Variants in BIN1 observed in about 807,000 individuals in gnomAD.
BIN1 encodes the protein bridging integrator 1.
Under a neutral mutation model 82.0 loss-of-function variants are expected in BIN1, and 53 were observed. The ratio of observed to expected loss-of-function variants is 0.65; its 90% confidence interval spans 0.52 to 0.81. BIN1 has a LOEUF of 0.81. Ranked by LOEUF, BIN1 falls within the 40% of genes least tolerant of loss-of-function variation. BIN1 has a pLI of 0.00. For missense variants in BIN1, 642 were observed against 784.4 expected, an observed-to-expected ratio of 0.82 and a Z score of 2.17; for synonymous variants, 302 against 328.0, an observed-to-expected ratio of 0.92 and a Z score of 0.86.
rs577921006 is a variant in BIN1, at chr2:127,082,611, C to A, written c.85-5905G>T. Among the ~76,000 whole-genome samples, 15 of 152,300 alleles carry A rather than the reference C, an allele frequency of 9.8e-5. 1 individual carries two copies. Among genetic ancestry groups the A allele is most frequent in the African/African-American group, 3.4e-4 (14 of 41,546 alleles). On this transcript the variant is annotated intron_variant, in intron 1 of 18. Transcript: ENST00000316724. This position sits in a 1 kb window ranked among gnomAD's most constrained non-coding sequence, Gnocchi z 6.1. ...AAAGGGGTACAATGGGAGTCTTAAA[C>A]CCCCAGGGGCAGAGGGAGCCAGTCT...
chr2:127,051,218 C>T lies in BIN1; in HGVS notation c.1397G>A (p.Gly466Asp), dbSNP rs762512900. ...AQPAEASEVAGGTQPAAGAQE... is the reference protein window; with the variant it reads ...AQPAEASEVADGTQPAAGAQE... ...GGCTCCAGCCGCAGGTTGGGTCCCA[C>T]CCGCCACCTCCGAGGCCTCTGCTGG... is the stretch of plus-strand genomic sequence containing the variant. The change falls in exon 16 of 19, where the codon GGT becomes GAT. Residue 466 changes from glycine to aspartate, a missense_variant. Gly to Asp is a moderately conservative substitution (Grantham distance 94). Coordinates refer to ENST00000316724, the MANE Select transcript of BIN1 (RefSeq NM_139343.3). The T allele has an allele frequency of 6.2e-7, 1 of 1,613,774 alleles. No homozygotes were observed. The highest frequency in any genetic ancestry group is 1.1e-5 in the South Asian group (1 of 91,090).
At chr2:127,079,589 C>G (rs1687041201) in intron 1 of BIN1, among the ~76,000 whole-genome samples, 1 of 152,208 alleles carries the variant, frequency 6.6e-6, no homozygotes, top group Non-Finnish European at 1.5e-5. Flanking sequence ...GTGAACTGTC[C>G]CTGATCTCTC....
intron 7 of BIN1, among the ~76,000 whole-genome samples, chr2:127,065,669 C>T (rs1337129864): frequency 6.6e-6 from 1 of 152,198 alleles, no homozygotes; most frequent in Non-Finnish European, 1.5e-5. Context: ...CAGCCACCAC[C>T]CCCACAACTC....
At chr2:127,083,730 A>T (rs1316617068) in intron 1 of BIN1, among the ~76,000 whole-genome samples, 1 of 152,168 alleles carries the variant, frequency 6.6e-6, no homozygotes, top group Non-Finnish European at 1.5e-5. Context: ...TATTCCCCGT[A>T]TGCCTATTTA....
At position 127,063,561 on chromosome 2, in the gene BIN1, C is replaced by T. The variant is rs1684774289; in HGVS notation, c.774+10G>A. 1.9e-6 allele frequency: 3 copies of T among 1,613,478 alleles called. No homozygotes were observed. Among genetic ancestry groups the T allele is most frequent in the African/African-American group, 2.7e-5 (2 of 75,040 alleles). ...GGGTGTGGCCCCTCAGAGGGGTCCC[C>T]ATGGCCTACCTTGCTCATCTCCTTG... On this transcript the variant is annotated intron_variant, in intron 9 of 18. Transcript: ENST00000316724.
intron 1 of BIN1, among the ~76,000 whole-genome samples, chr2:127,089,770 C>T (rs995012036): frequency 6.6e-6 from 1 of 152,098 alleles, no homozygotes; most frequent in Admixed American, 6.5e-5. Context: ...GGAGCAGGCC[C>T]AGGCTGTGCA....
At chr2:127,075,574 C>T (rs1686472114) in intron 2 of BIN1, among the ~76,000 whole-genome samples, 1 of 152,194 alleles carries the variant, frequency 6.6e-6, no homozygotes, top group African/African-American at 2.4e-5. Context: ...CTCCCCAATC[C>T]CTGTCCAGGG....
At chr2:127,060,539 A>C in intron 10 of BIN1, 1 of 1,611,542 alleles carries the variant, frequency 6.2e-7, no homozygotes, top group Non-Finnish European at 8.5e-7. Context: ...AGGCGCATGC[A>C]CAGGGCCAGC....
In BIN1 at chr2:127,057,048, C is replaced by T. The variant is rs866224504; in HGVS notation, c.1131+425G>A. Among the ~76,000 whole-genome samples, 8 of 152,220 alleles carry T rather than the reference C, an allele frequency of 5.3e-5. No individual in the cohort carries two copies. The highest frequency in any genetic ancestry group is 2.1e-4 in the South Asian group (1 of 4,834). On this transcript the variant is annotated intron_variant, in intron 12 of 18. Coordinates refer to ENST00000316724, the MANE Select transcript of BIN1 (RefSeq NM_139343.3). The surrounding 1 kb of genome is among the most constrained non-coding windows in gnomAD (Gnocchi z 5.0). Reference sequence around the variant, plus strand: ...TGCCCTGCAGCCTGGCCGCTGCCCCCGCCCTCGAGGGGCTGACAGCAGCTG... The same window carrying T: ...TGCCCTGCAGCCTGGCCGCTGCCCCTGCCCTCGAGGGGCTGACAGCAGCTG...
Position 127,072,501 on chromosome 2 carries a change from C to T in BIN1, c.166-1685G>A, listed in dbSNP as rs186926610. Reference sequence around the variant, plus strand: ...GTTTTGTGGGTAATGGGTAGTGATGCGGCCCTGAGAACCCACAGATCTGCC... The same window carrying T: ...GTTTTGTGGGTAATGGGTAGTGATGTGGCCCTGAGAACCCACAGATCTGCC... On this transcript the variant is annotated intron_variant, in intron 2 of 18. Coordinates refer to ENST00000316724, the MANE Select transcript of BIN1 (RefSeq NM_139343.3). Among the ~76,000 whole-genome samples the T allele has an allele frequency of 3.2e-3, 487 of 152,250 alleles. 1 individual carries two copies. Among genetic ancestry groups the T allele is most frequent in the Non-Finnish European group, 3.6e-3 (244 of 68,008 alleles).
At position 127,082,795 on chromosome 2, in the gene BIN1, C is replaced by G. The variant is rs981864828; in HGVS notation, c.85-6089G>C. Among the ~76,000 whole-genome samples, 1 of 151,996 alleles carries G rather than the reference C, an allele frequency of 6.6e-6. No homozygotes were observed. The highest frequency in any genetic ancestry group is 1.5e-5 in the Non-Finnish European group (1 of 67,994). ...CCCCATCCCCACTCCGACAGTGGAG[C>G]CACCTAAGCCTGCTCCCCACCTCTG... On this transcript the variant is annotated intron_variant, in intron 1 of 18. Transcript: ENST00000316724. The surrounding 1 kb of genome is among the most constrained non-coding windows in gnomAD (Gnocchi z 6.1).
intron 1 of BIN1, among the ~76,000 whole-genome samples, chr2:127,089,749 A>AG (rs1678672096): frequency 6.6e-6 from 1 of 152,120 alleles, no homozygotes; most frequent in African/African-American, 2.4e-5. Context: ...CTGCTGGGGC[A>AG]GAAGGTGCTG....
chr2:127,080,116 G>A (rs940806393), intron 1 of BIN1, among the ~76,000 whole-genome samples: 1 of 152,258 alleles, frequency 6.6e-6, no homozygotes, highest in African/African-American at 2.4e-5. Flanking sequence ...TTTCATCCAT[G>A]AGGGAACGCA....
chr2:127,068,040 G>T lies in BIN1; in HGVS notation c.612+123C>A. ...TCTGAAGCAGAGCTCTCCCAGCAGA[G>T]GCCTTTGAAAAACCCTGCCCCAGCT... On this transcript the variant is annotated intron_variant, in intron 7 of 18. Transcript: ENST00000316724. The surrounding 1 kb of genome is among the most constrained non-coding windows in gnomAD (Gnocchi z 4.9). 2.1e-6 allele frequency: 2 copies of T among 961,660 alleles called. No individual in the cohort carries two copies. The highest frequency in any genetic ancestry group is 3.2e-6 in the Non-Finnish European group (2 of 617,964). The allele number at this position is 961,660 out of a possible 1,614,324, so 59.6% of individuals were successfully genotyped here.
At chr2:127,075,719 C>T (rs1450200111) in intron 2 of BIN1, among the ~76,000 whole-genome samples, 5 of 145,584 alleles carry the variant, frequency 3.4e-5, no homozygotes, top group African/African-American at 7.6e-5. Context: ...GAATGCTCCC[C>T]GGCCCTCTCC....
chr2:127,106,879 A>C lies in BIN1; in HGVS notation c.65T>G (p.Leu22Arg), dbSNP rs1383113147. 1 of 1,611,228 alleles carries C rather than the reference A, an allele frequency of 6.2e-7. No homozygotes were observed. The highest frequency in any genetic ancestry group is 8.5e-7 in the Non-Finnish European group (1 of 1,179,390). The change falls in exon 1 of 19, where the codon CTC becomes CGC. Residue 22 changes from leucine to arginine, a missense_variant. Physicochemically the swap from Leu to Arg is moderately radical, Grantham distance 102. Transcript: ENST00000316724. Reference protein sequence around the residue: ...GKIASNVQKKLTRAQEKVLQK... With the variant: ...GKIASNVQKKRTRAQEKVLQK... ...GCTCACCTTCTCCTGCGCGCGGGTG[A>C]GCTTCTTCTGCACGTTGCTGGCGAT...
rs1683085882 is a variant in BIN1 at position 127,052,445 on chromosome 2, A to C, written c.1264-83T>G. 2.3e-6 allele frequency: 3 copies of C among 1,331,916 alleles called. No homozygotes were observed. In the Admixed American group the frequency reaches 6.1e-5, roughly 27 times the overall value. 82.5% of individuals were successfully genotyped at this position (1,331,916 alleles called of 1,614,324 possible). A position where few individuals can be genotyped will look rare whatever the true frequency, so the allele number is the denominator to read the frequency against. On this transcript the variant is annotated intron_variant, in intron 14 of 18. Transcript: ENST00000316724. ...GCAATGGGCAGGATCACAAGACAAG[A>C]GAAAATGTCACCAGCGGCTGGGGTT...
At chr2:127,091,969 C>T (rs1026912010) in intron 1 of BIN1, among the ~76,000 whole-genome samples, 4 of 151,978 alleles carry the variant, frequency 2.6e-5, no homozygotes, top group East Asian at 1.9e-4. Flanking sequence ...CAAGAACATG[C>T]GGAGGGAGTC....
rs1013935534 is a variant in BIN1 at position 127,050,266 on chromosome 2, C to A, written c.1674+155G>T. ...GAGGAGAGGGAGAGAGGAAAAAGCC[C>A]GACGTGGAGGGCGGGGAGGAGCAGT... On this transcript the variant is annotated intron_variant, in intron 18 of 18. Transcript: ENST00000316724. The A allele has an allele frequency of 2.0e-5, 15 of 734,364 alleles. No homozygotes were observed. In the African/African-American group the frequency reaches 2.6e-4, roughly 13 times the overall value. The allele number at this position is 734,364 out of a possible 1,614,324, so 45.5% of individuals were successfully genotyped here.
Sources: allele counts gnomAD v4.1 joint callset (sites outside exome capture counted in the v4.1 genomes callset), GRCh38; gene constraint gnomAD v4.1.1; non-coding constraint Gnocchi (gnomAD v3.1); transcripts MANE v1.5; gene names NCBI Gene and HGNC (gene_info 2026-07-23, HGNC 2026-07-21).